The following PARD3B variants were observed in gnomAD, a reference collection of about 807,000 sequenced individuals.
PARD3B encodes the protein partitioning defective 3 homolog B.
Under a neutral mutation model 130.2 loss-of-function variants are expected in PARD3B, and 103 were observed. That is an observed-to-expected ratio of 0.79 (90% CI 0.67 to 0.93). The LOEUF (loss-of-function observed/expected upper bound fraction) is 0.93, where lower values mean the gene tolerates loss of function less well. Ranked by LOEUF, PARD3B falls within the 40% of genes least tolerant of loss-of-function variation. The pLI, the probability that PARD3B is intolerant of heterozygous loss-of-function variation, is 0.00. For missense variants in PARD3B, 1,609 were observed against 1,499.2 expected, an observed-to-expected ratio of 1.07 and a Z score of -1.21; for synonymous variants, 583 against 553.2, an observed-to-expected ratio of 1.05 and a Z score of -0.76.
intron 22 of PARD3B, among the ~76,000 whole-genome samples, chr2:205,596,143 G>A (rs971041268): frequency 1.3e-5 from 2 of 152,116 alleles, no homozygotes; most frequent in Non-Finnish European, 2.9e-5. Context: ...AATGTAAAAG[G>A]TTTGTAATTA....
rs866718234 is a variant in PARD3B, at chr2:204,883,434, A to T, written c.223-81718A>T. On this transcript the variant is annotated intron_variant, in intron 2 of 22. Coordinates refer to ENST00000406610, the MANE Select transcript of PARD3B (RefSeq NM_001302769.2). ...ATATATATAATATATATATATATAA[A>T]ATATATATATATATATATATATTTT... Among the ~76,000 whole-genome samples the T allele has an allele frequency of 9.6e-4, 100 of 104,464 alleles. 1 individual carries two copies. The highest frequency in any genetic ancestry group is 4.3e-3 in the East Asian group (17 of 3,970). The allele number at this position is 104,464 out of a possible 152,430, so 68.5% of individuals were successfully genotyped here.
intron 22 of PARD3B, among the ~76,000 whole-genome samples, chr2:205,594,792 T>C (rs1482472166): frequency 6.6e-6 from 1 of 152,202 alleles, no homozygotes; most frequent in Non-Finnish European, 1.5e-5. Flanking sequence ...GAGGATTTCC[T>C]ACCCTGACAT....
chr2:205,059,977 T>TC (rs1199760040), intron 4 of PARD3B, among the ~76,000 whole-genome samples: 1 of 152,066 alleles, frequency 6.6e-6, no homozygotes, highest in Non-Finnish European at 1.5e-5. Context: ...CTTTATTGCC[T>TC]CCATTTTACA....
chr2:205,168,053 C>A (rs571755527), intron 11 of PARD3B, among the ~76,000 whole-genome samples: 1 of 152,274 alleles, frequency 6.6e-6, no homozygotes, highest in East Asian at 1.9e-4. Flanking sequence ...GAAGACCTAA[C>A]CTCATACCAG....
rs574440595 is a variant in PARD3B, at chr2:205,181,626, T to G, written c.1925-4138T>G. On this transcript the variant is annotated intron_variant, in intron 13 of 22. Transcript: ENST00000406610. The stretch of plus-strand genomic sequence containing the variant: ...TGCAAAGGCAGGTGGCAAGCTGGTT[T>G]TGGACCAGGGCCATAGCTTGCTGAC... 2.6e-5 allele frequency among the ~76,000 whole-genome samples: 4 copies of G among 152,366 alleles called. No homozygotes were observed. The East Asian group carries it at 7.7e-4, about 29-fold the overall frequency.
chr2:205,395,340 A>G (rs2045989594), intron 18 of PARD3B, among the ~76,000 whole-genome samples: 1 of 152,108 alleles, frequency 6.6e-6, no homozygotes, highest in Non-Finnish European at 1.5e-5. Flanking sequence ...TTCAGTCCTC[A>G]CCTCGTTGGG....
intron 18 of PARD3B, among the ~76,000 whole-genome samples, chr2:205,398,416 G>A (rs963065445): frequency 2.6e-5 from 4 of 152,152 alleles, no homozygotes; most frequent in African/African-American, 9.7e-5. Context: ...AATTCAGAAA[G>A]GGAATCAGGA....
Position 205,491,391 on chromosome 2 carries a change from C to T in PARD3B, c.3045-8505C>T, listed in dbSNP as rs542690935. Among the ~76,000 whole-genome samples the T allele has an allele frequency of 1.4e-4, 22 of 152,158 alleles. No individual in the cohort carries two copies. The South Asian group carries it at 3.5e-3, about 24-fold the overall frequency. Reference sequence around the variant, plus strand: ...TTGTTTCCCCATTTCTTGTTTTTGTCAGGTTTGTGAAAGATCAGATGGTTG... The same window carrying T: ...TTGTTTCCCCATTTCTTGTTTTTGTTAGGTTTGTGAAAGATCAGATGGTTG... On this transcript the variant is annotated intron_variant, in intron 20 of 22. Coordinates refer to ENST00000406610, the MANE Select transcript of PARD3B (RefSeq NM_001302769.2).
At chr2:204,831,390 C>G (rs1347649803) in intron 2 of PARD3B, among the ~76,000 whole-genome samples, 1 of 152,178 alleles carries the variant, frequency 6.6e-6, no homozygotes, top group Non-Finnish European at 1.5e-5. Context: ...TAAAAACTTG[C>G]AGAAACTCAA....
intron 21 of PARD3B, among the ~76,000 whole-genome samples, chr2:205,542,163 A>G (rs1253491109): frequency 6.6e-6 from 1 of 150,764 alleles, no homozygotes; most frequent in Non-Finnish European, 1.5e-5. Flanking sequence ...AAAAAAAAAA[A>G]AAAAAAAAAA....
intron 4 of PARD3B, among the ~76,000 whole-genome samples, chr2:205,069,013 G>A (rs1700558044): frequency 6.6e-6 from 1 of 150,688 alleles, no homozygotes; most frequent in South Asian, 2.1e-4. Context: ...CCTGAAGCTT[G>A]TTCATTTTGT....
chr2:204,815,950 A>G (rs1368280562), intron 2 of PARD3B, among the ~76,000 whole-genome samples: 2 of 152,028 alleles, frequency 1.3e-5, no homozygotes, highest in African/African-American at 4.8e-5. Context: ...TTTGATAGAT[A>G]CCAATTCGGT....
intron 15 of PARD3B, among the ~76,000 whole-genome samples, chr2:205,233,916 T>A (rs1399305528): frequency 6.6e-6 from 1 of 152,202 alleles, no homozygotes; most frequent in Non-Finnish European, 1.5e-5. Flanking sequence ...CAAAAAATCA[T>A]ACACTGAACC....
chr2:205,404,111 A>G (rs1258272844), intron 19 of PARD3B, among the ~76,000 whole-genome samples: 1 of 152,186 alleles, frequency 6.6e-6, no homozygotes, highest in Non-Finnish European at 1.5e-5. Flanking sequence ...CACTACTAAT[A>G]TTTTATAATC....
chr2:205,134,547 T>G (rs1421355323), intron 10 of PARD3B, among the ~76,000 whole-genome samples: 2 of 151,260 alleles, frequency 1.3e-5, no homozygotes, highest in Non-Finnish European at 2.9e-5. Flanking sequence ...AGAAATAGCT[T>G]TTAAGTAAGA....
intron 18 of PARD3B, among the ~76,000 whole-genome samples, chr2:205,385,008 A>T (rs2045612032): frequency 6.6e-6 from 1 of 152,050 alleles, no homozygotes; most frequent in Non-Finnish European, 1.5e-5. Context: ...ACCTCACATT[A>T]GAGCCTGTAT....
intron 2 of PARD3B, among the ~76,000 whole-genome samples, chr2:204,806,969 G>T (rs2042788259): frequency 6.6e-6 from 1 of 152,110 alleles, no homozygotes; most frequent in Admixed American, 6.6e-5. Flanking sequence ...AAGAAAAAGA[G>T]GTTCAATGAA....
At chr2:205,474,550 C>T (rs2048961521) in intron 20 of PARD3B, among the ~76,000 whole-genome samples, 1 of 152,048 alleles carries the variant, frequency 6.6e-6, no homozygotes, top group Non-Finnish European at 1.5e-5. Flanking sequence ...ATTTATGTAA[C>T]CTTTCCCTTA....
chr2:204,809,067 T>C (rs1248281189), intron 2 of PARD3B, among the ~76,000 whole-genome samples: 1 of 152,172 alleles, frequency 6.6e-6, no homozygotes. Flanking sequence ...GTTGGCCTCA[T>C]GTGTGTTTTC....
Sources: allele counts gnomAD v4.1 joint callset (sites outside exome capture counted in the v4.1 genomes callset), GRCh38; gene constraint gnomAD v4.1.1; transcripts MANE v1.5; gene names NCBI Gene and HGNC (gene_info 2026-07-23, HGNC 2026-07-21).